Variants in NHSL2 observed in about 807,000 individuals in gnomAD.
NHSL2 encodes the protein NHS-like protein 2.
A neutral mutation model predicts 53.4 loss-of-function variants in NHSL2; 27 were observed. The observed-to-expected ratio is 0.51, with a 90% CI of 0.37 to 0.70. The LOEUF (loss-of-function observed/expected upper bound fraction) is 0.70. NHSL2 is among the 30% of genes least tolerant of loss of function. NHSL2 has a pLI of 0.00. For missense variants in NHSL2, 892 were observed against 980.1 expected (o/e 0.91, Z 1.20); for synonymous variants, 408 against 404.1 (o/e 1.01, Z -0.12).
At chrX:72,125,491 G>A (rs10442419) in intron 1 of NHSL2, among the ~76,000 whole-genome samples, 66,441 of 110,836 alleles carry the variant, frequency 0.6, 16,692 homozygotes, top group Non-Finnish European at 0.79. Flanking sequence ...GCCATGGCCC[G>A]AGAGGGGATG....
intron 1 of NHSL2, among the ~76,000 whole-genome samples, chrX:72,085,047 C>A (rs767257678): frequency 8.9e-6 from 1 of 112,074 alleles, no homozygotes; most frequent in Admixed American, 9.4e-5. Context: ...GCACTTTGTT[C>A]GTGCTTTTCT....
At chrX:71,915,819 C>A (rs981404238) in intron 1 of NHSL2, among the ~76,000 whole-genome samples, 12 of 111,688 alleles carry the variant, frequency 1.1e-4, no homozygotes, top group African/African-American at 3.9e-4. Context: ...CTTCGAGAGT[C>A]ATTTTCTTGG....
chrX:72,129,432 T>G (rs2042260383), intron 1 of NHSL2: 1 of 145,245 alleles, frequency 6.9e-6, no homozygotes, highest in African/African-American at 3.1e-5. Flanking sequence ...GAAGTCCTGG[T>G]GGGTCAGTCA....
rs764773346 is a variant in NHSL2, at chrX:71,955,769, G to A, written c.280+44402G>A. 9.1e-5 allele frequency among the ~76,000 whole-genome samples: 10 copies of A among 110,183 alleles called. No individual in the cohort carries two copies. In the South Asian group the frequency reaches 4.0e-3, roughly 44 times the overall value. On this transcript the variant is annotated intron_variant, in intron 1 of 7. Transcript: ENST00000633930. ...AGGATGGCTGTAGAGGGAAGTGATG[G>A]GAAGCTTTCGAATGACTTAAATTGA...
chrX:72,116,941 A>G (rs749786424), intron 1 of NHSL2, among the ~76,000 whole-genome samples: 1 of 111,845 alleles, frequency 8.9e-6, no homozygotes, highest in Non-Finnish European at 1.9e-5. Context: ...TCTATAAAGG[A>G]TAAGTACAAC....
At chrX:72,130,698 C>T in intron 1 of NHSL2, 2 of 1,211,882 alleles carry the variant, frequency 1.7e-6, no homozygotes, top group Non-Finnish European at 2.2e-6. Flanking sequence ...GGAAGAATTC[C>T]GACAGGCCTT....
chrX:72,085,653 C>G (rs143425893), intron 1 of NHSL2, among the ~76,000 whole-genome samples: 1 of 110,193 alleles, frequency 9.1e-6, no homozygotes, highest in African/African-American at 3.3e-5. Flanking sequence ...TGTGTGAGAC[C>G]AAGAACACCT....
chrX:72,068,519 A>G (rs2042444842), intron 1 of NHSL2, among the ~76,000 whole-genome samples: 1 of 112,465 alleles, frequency 8.9e-6, no homozygotes, highest in African/African-American at 3.2e-5. Flanking sequence ...AGTTGGTTCC[A>G]GGAGCCACAG....
chrX:72,132,392 A>T (rs953049377), intron 2 of NHSL2, among the ~76,000 whole-genome samples, 158 bp downstream of exon 2: 1 of 111,964 alleles, frequency 8.9e-6, no homozygotes, highest in Non-Finnish European at 1.9e-5. Context: ...TTTCAGCCTA[A>T]TGATTCTGAA....
intron 1 of NHSL2, among the ~76,000 whole-genome samples, chrX:72,096,592 T>C (rs1361469788): frequency 8.9e-6 from 1 of 112,402 alleles, no homozygotes; most frequent in Non-Finnish European, 1.9e-5. Context: ...ATTGTTTGCT[T>C]CCAATTTTTA....
chrX:72,135,851 A>G (rs2042351601), intron 4 of NHSL2, among the ~76,000 whole-genome samples: 1 of 111,386 alleles, frequency 9.0e-6, no homozygotes, highest in Non-Finnish European at 1.9e-5. Context: ...CTTGGGCAAC[A>G]TGGTGAAACC....
intron 1 of NHSL2, among the ~76,000 whole-genome samples, chrX:71,931,520 T>C (rs139830486): frequency 0.037 from 4,209 of 112,523 alleles, 188 homozygotes; most frequent in African/African-American, 0.13. Flanking sequence ...TTGTGATCCA[T>C]TTTGAGTTAA....
At chrX:71,996,097 T>C (rs113812288) in intron 1 of NHSL2, among the ~76,000 whole-genome samples, 137 of 112,464 alleles carry the variant, frequency 1.2e-3, no homozygotes, top group African/African-American at 4.1e-3. Flanking sequence ...CCTCAATTTG[T>C]CCATTTATAA....
chrX:72,036,351 C>A (rs2042241487), intron 1 of NHSL2, among the ~76,000 whole-genome samples: 1 of 112,472 alleles, frequency 8.9e-6, no homozygotes, highest in African/African-American at 3.2e-5. Context: ...GAGAAATCCA[C>A]TGTCAGTTGA....
intron 2 of NHSL2, among the ~76,000 whole-genome samples, chrX:72,132,464 A>G (rs772649401): frequency 9.2e-6 from 1 of 108,869 alleles, no homozygotes; most frequent in Non-Finnish European, 1.9e-5. Context: ...TCAGTAGCCC[A>G]TGGGGAAACA....
chrX:71,936,432 G>A (rs1055878118), intron 1 of NHSL2, among the ~76,000 whole-genome samples: 1 of 112,416 alleles, frequency 8.9e-6, no homozygotes, highest in African/African-American at 3.2e-5. Context: ...TGGCCTCTGA[G>A]GGGCCTGCCA....
chrX:71,938,489 G>T (rs2041750080), intron 1 of NHSL2, among the ~76,000 whole-genome samples: 1 of 112,487 alleles, frequency 8.9e-6, no homozygotes, highest in Non-Finnish European at 1.9e-5. Flanking sequence ...CCAAGGAGCT[G>T]CTGCTACCTC....
chrX:71,965,031 T>C (rs986796673), intron 1 of NHSL2, among the ~76,000 whole-genome samples: 1 of 111,878 alleles, frequency 8.9e-6, no homozygotes, highest in African/African-American at 3.2e-5. Flanking sequence ...AGGAGGTATA[T>C]GGAAACTCTG....
rs376173470 is a variant in NHSL2, at chrX:72,078,660, G to C, written c.281-53419G>C. Among the ~76,000 whole-genome samples, 90 of 111,800 alleles carry C rather than the reference G, an allele frequency of 8.1e-4. No homozygotes were observed. The South Asian group carries it at 0.013, about 16-fold the overall frequency. On this transcript the variant is annotated intron_variant, in intron 1 of 7. Transcript: ENST00000633930. ...GCCATCCTTGCCAAGGTCACCCTCT[G>C]AGTGGTGCTAAAGTGAACAGTGCTT...
Sources: gnomAD v4.1 joint callset for allele counts (sites outside exome capture counted in the v4.1 genomes callset) on GRCh38, gnomAD v4.1.1 for gene constraint, MANE v1.5 for transcripts, NCBI Gene and HGNC (gene_info 2026-07-23, HGNC 2026-07-21) for gene names.